The following PEPD variants were observed in gnomAD, a reference collection of about 807,000 sequenced individuals.
The protein encoded by PEPD is xaa-Pro dipeptidase.
PEPD carries 53 observed loss-of-function variants against 60.7 expected under a neutral mutation model. That is an observed-to-expected ratio of 0.87 (90% CI 0.70 to 1.10). PEPD has a LOEUF of 1.10. Ranked by LOEUF, PEPD falls within the 50% of genes least tolerant of loss-of-function variation. PEPD has a pLI of 0.00. For synonymous variants in PEPD, 267 were observed against 284.1 expected (o/e 0.94, Z 0.60); for missense variants, 711 against 711.9 (o/e 1.00, Z 0.01).
chr19:33,484,306 G>C (rs1194487602), intron 6 of PEPD, among the ~76,000 whole-genome samples: 2 of 152,144 alleles, frequency 1.3e-5, no homozygotes, highest in East Asian at 3.8e-4. Context: ...GAAAAGCAGT[G>C]GCCAATCTAC....
intron 9 of PEPD, among the ~76,000 whole-genome samples, chr19:33,458,774 G>A (rs1228932906): frequency 2.3e-5 from 3 of 129,000 alleles, no homozygotes; most frequent in African/African-American, 8.7e-5. Flanking sequence ...TGGTATGTGT[G>A]GGGGTGTGTG....
intron 9 of PEPD, among the ~76,000 whole-genome samples, chr19:33,437,420 G>A (rs986472742): frequency 6.6e-6 from 1 of 151,628 alleles, no homozygotes; most frequent in Non-Finnish European, 1.5e-5. Context: ...GAGATGCAGG[G>A]GTTCAGATGG....
chr19:33,475,755 C>T (rs17761054), intron 7 of PEPD, among the ~76,000 whole-genome samples: 13,815 of 152,200 alleles, frequency 0.091, 657 homozygotes, highest in East Asian at 0.13. Flanking sequence ...ATTCTAAGTA[C>T]CCAGGATTTA....
rs1461757762 is a variant in PEPD, at chr19:33,413,647, C to A, written c.672-4G>T. On this transcript the variant is annotated splice_polypyrimidine_tract_variant and splice_region_variant and intron_variant, in intron 9 of 14. Coordinates refer to ENST00000244137, the MANE Select transcript of PEPD (RefSeq NM_000285.4). Reference sequence around the variant, plus strand: ...GTAGCAGTAGTGCTCGAAGAGGCTGCAGGGGGAGAGACGCGTCAGGGTTGG... The same window carrying A: ...GTAGCAGTAGTGCTCGAAGAGGCTGAAGGGGGAGAGACGCGTCAGGGTTGG... 6.4e-7 allele frequency: 1 copy of A among 1,573,700 alleles called. No homozygotes were observed. The highest frequency in any genetic ancestry group is 8.7e-7 in the Non-Finnish European group (1 of 1,155,846).
intron 11 of PEPD, among the ~76,000 whole-genome samples, chr19:33,407,277 C>T (rs1049071875): frequency 7.9e-5 from 12 of 152,248 alleles, no homozygotes; most frequent in Admixed American, 5.2e-4. Flanking sequence ...GCCTCAGGCC[C>T]GGAGTGCTGC....
chr19:33,449,084 C>A (rs766871056), intron 9 of PEPD, among the ~76,000 whole-genome samples: 1 of 152,332 alleles, frequency 6.6e-6, no homozygotes, highest in East Asian at 1.9e-4. Flanking sequence ...ACAGGGGCCT[C>A]GGGGGAAGGC....
intron 9 of PEPD, among the ~76,000 whole-genome samples, chr19:33,458,476 G>A (rs560682430): frequency 0.015 from 2,205 of 151,156 alleles, 21 homozygotes; most frequent in Non-Finnish European, 0.024. Flanking sequence ...TGTGGTATGT[G>A]GGGGTTGTGT....
chr19:33,387,271 A>AC lies in PEPD; in HGVS notation c.*72dup. The AC allele has an allele frequency of 6.3e-7, 1 of 1,577,140 alleles. No homozygotes were observed. Among genetic ancestry groups the AC allele is most frequent in the Admixed American group, 1.7e-5 (1 of 59,816 alleles). Reference sequence around the variant, plus strand: ...GCCGTCTCTCGCTACTGGAGTGCTGACCAGCAGGCTGCCCATCACGAAAAG... The same window carrying AC: ...GCCGTCTCTCGCTACTGGAGTGCTGACCCAGCAGGCTGCCCATCACGAAAAG... On this transcript the variant is annotated 3_prime_UTR_variant, in exon 15 of 15. Transcript: ENST00000244137.
intron 11 of PEPD, among the ~76,000 whole-genome samples, chr19:33,405,784 C>A (rs895569867): frequency 1.3e-5 from 2 of 152,246 alleles, no homozygotes; most frequent in Non-Finnish European, 2.9e-5. Flanking sequence ...CTCTCCAGTG[C>A]GTTCCTGGGC....
intron 9 of PEPD, among the ~76,000 whole-genome samples, chr19:33,455,129 G>T (rs1395696917): frequency 6.6e-6 from 1 of 152,170 alleles, no homozygotes; most frequent in Non-Finnish European, 1.5e-5. Context: ...TTAGGTAAAA[G>T]CTAAGGCCGC....
intron 1 of PEPD, among the ~76,000 whole-genome samples, chr19:33,518,275 A>G (rs1971061825): frequency 6.6e-6 from 1 of 152,184 alleles, no homozygotes; most frequent in Non-Finnish European, 1.5e-5. Context: ...GACCTGGGGA[A>G]GAGCCAGGGA....
At chr19:33,387,543 C>T (rs1029500021) in intron 14 of PEPD, 62 bp from the exon 15 acceptor site, 11 of 1,604,474 alleles carry the variant, frequency 6.9e-6, no homozygotes, top group South Asian at 3.3e-5. Flanking sequence ...GCTAGAGGGC[C>T]GGGCCCATTC....
intron 12 of PEPD, among the ~76,000 whole-genome samples, chr19:33,399,952 AAGG>A (rs1968450362): frequency 6.6e-6 from 1 of 151,852 alleles, no homozygotes; most frequent in Non-Finnish European, 1.5e-5. Flanking sequence ...GGGCTTAAGT[AAGG>A]TACCTGGCCA....
chr19:33,420,519 A>G (rs547798357), intron 9 of PEPD, among the ~76,000 whole-genome samples: 2 of 152,148 alleles, frequency 1.3e-5, no homozygotes, highest in South Asian at 4.1e-4. Context: ...CCTGGCCAAC[A>G]TGGTAAAACC....
At chr19:33,470,165 C>T (rs919627641) in intron 7 of PEPD, among the ~76,000 whole-genome samples, 4 of 152,074 alleles carry the variant, frequency 2.6e-5, no homozygotes, top group African/African-American at 9.7e-5. Flanking sequence ...CTCCCTCAGG[C>T]CCCCCCATTT....
At chr19:33,405,572 C>G (rs1016219491) in intron 11 of PEPD, among the ~76,000 whole-genome samples, 4 of 152,252 alleles carry the variant, frequency 2.6e-5, no homozygotes, top group African/African-American at 7.2e-5. Flanking sequence ...GTATGGGTCA[C>G]TCTTCCCTTC....
At chr19:33,401,569 A>C (rs1968491253) in intron 12 of PEPD, 152 bp downstream of exon 12, 1 of 753,002 alleles carries the variant, frequency 1.3e-6, no homozygotes, top group Non-Finnish European at 2.3e-6. Flanking sequence ...GACCCTGGAG[A>C]CCTGACGCCA....
At chr19:33,402,946 A>C (rs1200065564) in intron 11 of PEPD, among the ~76,000 whole-genome samples, 4 of 152,202 alleles carry the variant, frequency 2.6e-5, no homozygotes, top group Non-Finnish European at 4.4e-5. Context: ...AGGGCCCGGA[A>C]GGAGTAGGGC....
intron 11 of PEPD, among the ~76,000 whole-genome samples, chr19:33,411,225 G>A (rs957131219): frequency 6.6e-6 from 1 of 152,202 alleles, no homozygotes; most frequent in South Asian, 2.1e-4. Flanking sequence ...ACGGGCTCCT[G>A]CAGCAGGAGG....
Sources: gnomAD v4.1 joint callset for allele counts (sites outside exome capture counted in the v4.1 genomes callset) on GRCh38, gnomAD v4.1.1 for gene constraint, MANE v1.5 for transcripts, NCBI Gene and HGNC (gene_info 2026-07-23, HGNC 2026-07-21) for gene names.